Variants in PCSK7 observed in about 807,000 individuals in gnomAD.
The protein encoded by PCSK7 is proprotein convertase subtilisin/kexin type 7, also known as lymphoma proprotein convertase.
In PCSK7, 38 loss-of-function variants were observed where a neutral mutation model predicts 73.3. The ratio of observed to expected loss-of-function variants is 0.52; its 90% CI spans 0.40 to 0.68. The LOEUF is 0.68. PCSK7 is among the 30% of genes least tolerant of loss of function. The probability of loss-of-function intolerance (pLI) is 0.00; values close to 1 mark genes in which losing one functional copy is unlikely to be tolerated. For synonymous variants in PCSK7, 296 were observed against 383.8 expected (o/e 0.77, Z 2.68); for missense variants, 692 against 991.5 (o/e 0.70, Z 4.06).
intron 12 of PCSK7, chr11:117,210,357 ATTCT>A (rs945212074): frequency 7.2e-5 from 10 of 137,954 alleles, no homozygotes; most frequent in African/African-American, 3.0e-4. Flanking sequence ...AATGAGAACG[ATTCT>A]TTTTTTTTTT....
In PCSK7 at chr11:117,205,514, G is replaced by A. The variant is rs550613495; in HGVS notation, c.*483C>T. ...TGGTTGGTTTCTGATCAGGCATCTT[G>A]GGAATGGATAATGGAGGCAGCCGCT... On this transcript the variant is annotated 3_prime_UTR_variant, in exon 17 of 17. Transcript: ENST00000320934. 1 of 234,680 alleles carries A rather than the reference G, an allele frequency of 4.3e-6. No individual in the cohort carries two copies. The highest frequency in any genetic ancestry group is 1.8e-4 in the South Asian group (1 of 5,540). The allele number at this position is 234,680 out of a possible 1,614,324, so 14.5% of individuals were successfully genotyped here.
Position 117,219,157 on chromosome 11 carries a change from T to C in PCSK7, c.1331A>G (p.Asp444Gly), listed in dbSNP as rs149302537. Residue 444 changes from aspartate to glycine, a missense_variant, in exon 11 of 17, where the codon GAT (aspartate) becomes GGT (glycine). Physicochemically the swap from Asp to Gly is moderately conservative, Grantham distance 94 (BLOSUM62 -1). Coordinates refer to ENST00000320934, the MANE Select transcript of PCSK7 (RefSeq NM_004716.4). The stretch of plus-strand genomic sequence containing the variant: ...GTTGGTGACCCACTCTGCACGGCGA[T>C]CCTCATACTGAAAGGACAGAGGTCC... Reference protein sequence around the residue: ...IIVFTATRYEDRRAEWVTNEA... With the variant: ...IIVFTATRYEGRRAEWVTNEA... 3 of 1,607,648 alleles carry C rather than the reference T, an allele frequency of 1.9e-6. No homozygotes were observed. Among genetic ancestry groups the C allele is most frequent in the African/African-American group, 2.7e-5 (2 of 74,872 alleles).
chr11:117,229,610 G>C lies in PCSK7; in HGVS notation c.235C>G (p.Gln79Glu), dbSNP rs1319936497. ...TLEQQADALA[Q>E]AAGLVNAGRI... The stretch of plus-strand genomic sequence containing the variant: ...CCAGCATTCACCAGCCCTGCTGCCT[G>C]GGCCAAGGCATCCGCCTGCTGCTCC... The change falls in exon 3 of 17, where the codon CAG becomes GAG. Residue 79 changes from glutamine (Q) to glutamate (E), a missense_variant. By Grantham distance (29) the Gln-to-Glu change is conservative (BLOSUM62 2). Coordinates refer to ENST00000320934, the MANE Select transcript of PCSK7 (RefSeq NM_004716.4). The C allele has an allele frequency of 1.9e-6, 3 of 1,613,964 alleles. No homozygotes were observed. Among genetic ancestry groups the C allele is most frequent in the African/African-American group, 1.3e-5 (1 of 74,956 alleles).
In PCSK7 at chr11:117,221,899, A is replaced by G. The variant is rs2032210544; in HGVS notation, c.1155+1309T>C. On this transcript the variant is annotated intron_variant, in intron 9 of 16. Transcript: ENST00000320934. ...ACAGCCCAGCCTCTCTTCCCTCTCT[A>G]CTTTAGTCCACTCCCTTTTCTCTTC... The G allele has an allele frequency of 1.3e-5, 2 of 152,120 alleles. 1 individual carries two copies. The highest frequency in any genetic ancestry group is 2.9e-5 in the Non-Finnish European group (2 of 68,160). The allele number at this position is 152,120 out of a possible 1,614,324, so 9.4% of individuals were successfully genotyped here. A position where few individuals can be genotyped will look rare whatever the true frequency, so the allele number is the denominator to read the frequency against.
chr11:117,226,135 A>G, intron 5 of PCSK7, 114 bp from the exon 6 acceptor site: 1 of 618,814 alleles, frequency 1.6e-6, no homozygotes, highest in Non-Finnish European at 2.9e-6. Flanking sequence ...CTCTTTGTAC[A>G]TTTTGCTTTT....
chr11:117,228,253 C>G lies in PCSK7; in HGVS notation c.566G>C (p.Gly189Ala), dbSNP rs932709890. ...AATGTCCTGGATGGTGTGTTCCACTCCGTCATCCACTACCACCACCGTCAC... is the reference window on the plus strand; with the variant it reads ...AATGTCCTGGATGGTGTGTTCCACTGCGTCATCCACTACCACCACCGTCAC... ...RGVTVVVVDDGVEHTIQDIAP... is the reference protein window; with the variant it reads ...RGVTVVVVDDAVEHTIQDIAP... The change falls in exon 4 of 17, where the codon GGA becomes GCA. Residue 189 changes from glycine (G) to alanine (A), a missense_variant. This residue lies in a region of PCSK7 where 574 missense variants were observed against 689.8 expected (regional missense o/e 0.83). Transcript: ENST00000320934. 8.1e-6 allele frequency: 13 copies of G among 1,613,456 alleles called. No homozygotes were observed. The highest frequency in any genetic ancestry group is 1.1e-5 in the Non-Finnish European group (13 of 1,179,714).
chr11:117,227,038 T>G, intron 5 of PCSK7, 119 bp downstream of exon 5: 3 of 769,138 alleles, frequency 3.9e-6, no homozygotes, highest in Non-Finnish European at 4.2e-6. Context: ...CCTTGCTCTA[T>G]GCTATGTGTG....
Position 117,219,624 on chromosome 11 carries a change from G to A in PCSK7, c.1290C>T (p.Asp430=), listed in dbSNP as rs754727110. ...CTGTGAAGACAATGATGTGCTGGAC[G>A]TCACGCCACGTGAGGCAGGGCCGCA... The part of the protein sequence containing the change: ...LQVRPCLTWR[D]VQHIIVFTAT... Residue 430 remains aspartate (D), a synonymous_variant, in exon 10 of 17, where the codon GAC becomes GAT. Transcript: ENST00000320934. 8 of 1,612,642 alleles carry A rather than the reference G, an allele frequency of 5.0e-6. No individual in the cohort carries two copies. Among genetic ancestry groups the A allele is most frequent in the East Asian group, 2.2e-5 (1 of 44,742 alleles).
At chr11:117,206,972 T>C in intron 15 of PCSK7, 95 bp downstream of exon 15, 3 of 1,436,328 alleles carry the variant, frequency 2.1e-6, no homozygotes, top group Non-Finnish European at 2.9e-6. Flanking sequence ...ACGCTGGAAC[T>C]GGGAAGCACA....
Position 117,229,541 on chromosome 11 carries a change from C to G in PCSK7, c.304G>C (p.Ala102Pro), listed in dbSNP as rs11542139. The part of the protein sequence containing the change: ...LQGHYLFVQP[A>P]GHRPALEVEA... ...ACCTCCAGGGCCGGCCTGTGCCCAG[C>G]AGGCTGGACAAAGAGGTAGTGCCCC... Residue 102 changes from alanine to proline, a missense_variant, in exon 3 of 17, where the codon GCT becomes CCT. Coordinates refer to ENST00000320934, the MANE Select transcript of PCSK7 (RefSeq NM_004716.4). The G allele has an allele frequency of 6.2e-7, 1 of 1,613,510 alleles. No individual in the cohort carries two copies. The highest frequency in any genetic ancestry group is 1.7e-5 in the Admixed American group (1 of 60,038).
At chr11:117,224,239 T>C in intron 7 of PCSK7, 23 bp from the exon 8 acceptor site, 1 of 1,613,286 alleles carries the variant, frequency 6.2e-7, no homozygotes, top group South Asian at 1.1e-5. Context: ...AACATCAGGG[T>C]GTCAGTTGAG....
In PCSK7 at chr11:117,223,500, A is replaced by T; in HGVS notation, c.1055-192T>A. On this transcript the variant is annotated intron_variant, in intron 8 of 16. Transcript: ENST00000320934. ...CAGGCAGTCTCAAGTGGCAGAGGGC[A>T]TTCTGTGCCGCAATACCATTCTTTC... is the stretch of plus-strand genomic sequence containing the variant. 3 of 585,540 alleles carry T rather than the reference A, an allele frequency of 5.1e-6. No individual in the cohort carries two copies. The South Asian group carries it at 6.3e-5, about 12-fold the overall frequency. 36.3% of individuals were successfully genotyped at this position (585,540 alleles called of 1,614,324 possible).
At chr11:117,219,516 G>T in intron 10 of PCSK7, 75 bp downstream of exon 10, 2 of 1,378,546 alleles carry the variant, frequency 1.5e-6, no homozygotes, top group Non-Finnish European at 2.0e-6. Context: ...GGGACATTGA[G>T]AATCTAAGGC....
At chr11:117,226,822 AC>A in intron 5 of PCSK7, 1 of 221,812 alleles carries the variant, frequency 4.5e-6, no homozygotes, top group Non-Finnish European at 8.6e-6. Flanking sequence ...GCAGCCCGTG[AC>A]CATCAGTGGG....
At chr11:117,227,537 G>A (rs2032478052) in intron 4 of PCSK7, among the ~76,000 whole-genome samples, 1 of 152,192 alleles carries the variant, frequency 6.6e-6, no homozygotes, top group Admixed American at 6.5e-5. Context: ...CTGCCTCCCA[G>A]GTTCAAGCGA....
intron 12 of PCSK7, chr11:117,216,455 T>TTTTTTTTTTTTTTTTTC: frequency 6.6e-6 from 1 of 150,858 alleles, no homozygotes. Flanking sequence ...TTTTTTTTTT[T>TTTTTTTTTTTTTTTTTC]TGAGATGGAG....
intron 4 of PCSK7, 136 bp from the exon 5 acceptor site, chr11:117,227,458 T>A: frequency 1.4e-6 from 1 of 732,008 alleles, no homozygotes; most frequent in South Asian, 1.5e-5. Flanking sequence ...CGTTTCTGTT[T>A]TTGAGATGGA....
intron 9 of PCSK7, 24 bp downstream of exon 9, chr11:117,223,184 G>A (rs201731884): frequency 1.4e-5 from 20 of 1,413,758 alleles, no homozygotes; most frequent in South Asian, 2.3e-5. Flanking sequence ...GGGGCAGGCC[G>A]TGGAGGGCCC....
intron 12 of PCSK7, chr11:117,213,423 G>A (rs542038985): frequency 6.6e-6 from 1 of 152,258 alleles, no homozygotes; most frequent in East Asian, 1.9e-4. Flanking sequence ...TGACACGAAT[G>A]GGAAAATCTT....
Sources: gnomAD v4.1 joint callset for allele counts (sites outside exome capture counted in the v4.1 genomes callset) on GRCh38, gnomAD v4.1.1 for gene constraint, gnomAD v4.1.1 regional missense constraint, MANE v1.5 for transcripts, NCBI Gene and HGNC (gene_info 2026-07-23, HGNC 2026-07-21) for gene names.